Variants in C8B observed in about 807,000 individuals in gnomAD.
The protein encoded by C8B is complement C8 beta chain.
A neutral mutation model predicts 64.6 loss-of-function variants in C8B; 67 were observed. That is an observed-to-expected ratio of 1.04 (90% CI 0.85 to 1.27). The LOEUF (loss-of-function observed/expected upper bound fraction) is 1.27. Among genes scored for constraint, C8B ranks in the 50% most tolerant of loss-of-function variants. The pLI is 0.00. For synonymous variants in C8B, 284 were observed against 257.7 expected (o/e 1.10, Z -0.98); for missense variants, 790 against 725.2 (o/e 1.09, Z -1.03).
At chr1:56,952,831 T>C (rs1645042257) in intron 4 of C8B, among the ~76,000 whole-genome samples, 1 of 152,234 alleles carries the variant, frequency 6.6e-6, no homozygotes, top group African/African-American at 2.4e-5. Context: ...CTCATGGGGA[T>C]GTTGTGAGGA....
rs1197432774 is a variant in C8B, at chr1:56,960,077, A to G, written c.192T>C (p.Asp64=). 1 of 1,614,094 alleles carries G rather than the reference A, an allele frequency of 6.2e-7. No individual in the cohort carries two copies. Among genetic ancestry groups the G allele is most frequent in the Admixed American group, 1.7e-5 (1 of 60,014 alleles). Residue 64 remains aspartate (D), a synonymous_variant, in exon 2 of 12, where the codon GAT becomes GAC. Transcript: ENST00000371237. ...RSVDVTLMPI[D]CELSSWSSWT... ...AAGAGGACCAACTAGACAGCTCACA[A>G]TCAATGGGCATCAGGGTAACATCCA...
chr1:56,953,332 T>A (rs770105126), intron 4 of C8B, among the ~76,000 whole-genome samples: 8 of 152,250 alleles, frequency 5.3e-5, no homozygotes, highest in South Asian at 2.1e-4. Flanking sequence ...CAAAATAATG[T>A]ATACATATTT....
chr1:56,963,775 G>T, intron 1 of C8B: 1 of 718,538 alleles, frequency 1.4e-6, no homozygotes, highest in Non-Finnish European at 1.7e-6. Context: ...CACTTACCTG[G>T]AATAGCTGTG....
intron 2 of C8B, among the ~76,000 whole-genome samples, chr1:56,957,877 A>G (rs1645124971): frequency 6.6e-6 from 1 of 152,080 alleles, no homozygotes; most frequent in African/African-American, 2.4e-5. Flanking sequence ...GAGAAGCCCA[A>G]GTGGAAGGCT....
chr1:56,960,495 C>T (rs1014040027), intron 1 of C8B, among the ~76,000 whole-genome samples: 1 of 152,166 alleles, frequency 6.6e-6, no homozygotes, highest in Admixed American at 6.5e-5. Context: ...TGCCTCACGC[C>T]CTAGCTCTAT....
chr1:56,963,597 G>C (rs927211), intron 1 of C8B, among the ~76,000 whole-genome samples: 1 of 138,990 alleles, frequency 7.2e-6, no homozygotes, highest in Admixed American at 7.5e-5. Flanking sequence ...GGTGGGGGGT[G>C]GGGAGGGGAC....
At chr1:56,941,313 T>C (rs1006665346) in intron 8 of C8B, among the ~76,000 whole-genome samples, 1 of 152,090 alleles carries the variant, frequency 6.6e-6, no homozygotes, top group African/African-American at 2.4e-5. Context: ...ATTAGATAGA[T>C]AAATAAATAG....
In C8B at chr1:56,965,332, T is replaced by C. The variant is rs191358001; in HGVS notation, c.92+525A>G. On this transcript the variant is annotated intron_variant, in intron 1 of 11. Coordinates refer to ENST00000371237, the MANE Select transcript of C8B (RefSeq NM_000066.4). ...CCTTGTTAATGGAGACTAACAATGATGAAATAAATCAGCCAGCATTTAACT... is the reference window on the plus strand; with the variant it reads ...CCTTGTTAATGGAGACTAACAATGACGAAATAAATCAGCCAGCATTTAACT... Among the ~76,000 whole-genome samples, 224 of 151,310 alleles carry C rather than the reference T, an allele frequency of 1.5e-3. 2 individuals are homozygous for C. Among genetic ancestry groups the C allele is most frequent in the Middle Eastern group, 6.8e-3 (2 of 292 alleles).
chr1:56,949,404 G>T, intron 6 of C8B, 151 bp downstream of exon 6: 3 of 717,614 alleles, frequency 4.2e-6, no homozygotes, highest in Non-Finnish European at 7.2e-6. Context: ...ACTATATGTG[G>T]CACCTTGATC....
At chr1:56,931,085 T>C (rs1374571887) in intron 11 of C8B, among the ~76,000 whole-genome samples, 1 of 152,182 alleles carries the variant, frequency 6.6e-6, no homozygotes, top group East Asian at 1.9e-4. Flanking sequence ...ATGTTCGTTG[T>C]TTGTTTTACA....
chr1:56,931,042 A>T (rs1294113165), intron 11 of C8B, among the ~76,000 whole-genome samples: 1 of 152,178 alleles, frequency 6.6e-6, no homozygotes, highest in Non-Finnish European at 1.5e-5. Flanking sequence ...AGCACTCAGC[A>T]AAGTGTCTAT....
At chr1:56,963,889 G>A (rs1570411025) in intron 1 of C8B, 2 of 985,388 alleles carry the variant, frequency 2.0e-6, no homozygotes, top group Non-Finnish European at 2.4e-6. Flanking sequence ...GATTACAAGA[G>A]TAAGTAAGAA....
At chr1:56,954,434 C>T (rs1206156663) in intron 4 of C8B, among the ~76,000 whole-genome samples, 1 of 152,222 alleles carries the variant, frequency 6.6e-6, no homozygotes, top group Non-Finnish European at 1.5e-5. Context: ...TGTGTGGTTT[C>T]CACACATGCA....
At chr1:56,951,104 G>A (rs1409013246) in intron 5 of C8B, among the ~76,000 whole-genome samples, 1 of 152,128 alleles carries the variant, frequency 6.6e-6, no homozygotes, top group Admixed American at 6.6e-5. Context: ...TTAAAGACAG[G>A]ATCTTGCTTT....
rs752774661 is a variant in C8B at position 56,959,974 on chromosome 1, CA to C, written c.249+45del. The C allele has an allele frequency of 6.8e-6, 11 of 1,612,072 alleles. No individual in the cohort carries two copies. In the South Asian group the frequency reaches 1.2e-4, roughly 18 times the overall value. On this transcript the variant is annotated intron_variant, in intron 2 of 11. Transcript: ENST00000371237. ...ATGGCTCAGCCGATCTTGCTGGGGA[CA>C]AAGGCTCCTGGAAGCTTAGAGCTGT...
At chr1:56,941,839 T>C (rs933674781) in intron 8 of C8B, among the ~76,000 whole-genome samples, 3 of 152,162 alleles carry the variant, frequency 2.0e-5, no homozygotes, top group Non-Finnish European at 2.9e-5. Context: ...TAAAGTGTAG[T>C]GGAGCTCACC....
At chr1:56,949,130 T>C (rs889691177) in intron 6 of C8B, among the ~76,000 whole-genome samples, 2 of 152,176 alleles carry the variant, frequency 1.3e-5, no homozygotes, top group African/African-American at 4.8e-5. Context: ...ATGCTATATC[T>C]GGAATGTCCC....
intron 9 of C8B, among the ~76,000 whole-genome samples, chr1:56,938,912 A>G (rs1246451703): frequency 6.6e-6 from 1 of 151,662 alleles, no homozygotes; most frequent in Non-Finnish European, 1.5e-5. Context: ...TGCATGTGAG[A>G]GTGGGATGCC....
At chr1:56,931,410 G>A (rs1033189861) in intron 11 of C8B, among the ~76,000 whole-genome samples, 43 of 152,200 alleles carry the variant, frequency 2.8e-4, no homozygotes, top group African/African-American at 9.6e-4. Context: ...TCAAAGTCCC[G>A]GGGGAGCCAG....
Sources: allele counts gnomAD v4.1 joint callset (sites outside exome capture counted in the v4.1 genomes callset), GRCh38; gene constraint gnomAD v4.1.1; transcripts MANE v1.5; gene names NCBI Gene and HGNC (gene_info 2026-07-23, HGNC 2026-07-21).